The following DNASE1L3 variants were observed in gnomAD, a reference collection of about 807,000 sequenced individuals.
DNASE1L3 encodes the protein deoxyribonuclease 1L3, also known as deoxyribonuclease gamma.
A neutral mutation model predicts 30.9 loss-of-function variants in DNASE1L3; 27 were observed. That is an observed-to-expected ratio of 0.87 (90% CI 0.64 to 1.20). DNASE1L3 has a LOEUF of 1.20. Ranked by LOEUF, DNASE1L3 falls within the 50% of genes most tolerant of loss-of-function variation. The pLI, the probability that DNASE1L3 is intolerant of heterozygous loss-of-function variation, is 0.00. For missense variants in DNASE1L3, 364 were observed against 378.2 expected (o/e 0.96, Z 0.31); for synonymous variants, 135 against 138.0 (o/e 0.98, Z 0.15).
intron 2 of DNASE1L3, among the ~76,000 whole-genome samples, chr3:58,207,247 C>A (rs538081851): frequency 1.6e-4 from 25 of 152,194 alleles, no homozygotes; most frequent in Non-Finnish European, 2.1e-4. Flanking sequence ...GGGTGTGTGA[C>A]TGTAATCCCA....
At chr3:58,209,295 C>G (rs2097406132) in intron 1 of DNASE1L3, among the ~76,000 whole-genome samples, 1 of 152,112 alleles carries the variant, frequency 6.6e-6, no homozygotes, top group South Asian at 2.1e-4. Flanking sequence ...AGGGGAGATG[C>G]AGAGTTCAAG....
At chr3:58,201,823 G>A (rs1185212410) in intron 4 of DNASE1L3, among the ~76,000 whole-genome samples, 4 of 152,238 alleles carry the variant, frequency 2.6e-5, no homozygotes, top group Admixed American at 2.6e-4. Context: ...TTATTCAGGT[G>A]TGCTCTCGCC....
At chr3:58,195,022 G>A (rs1384404899) in intron 6 of DNASE1L3, among the ~76,000 whole-genome samples, 1 of 152,218 alleles carries the variant, frequency 6.6e-6, no homozygotes, top group Non-Finnish European at 1.5e-5. Context: ...AGCAAAGAAT[G>A]ACATGTTAAA....
intron 6 of DNASE1L3, among the ~76,000 whole-genome samples, chr3:58,194,378 T>G (rs994714528): frequency 1.4e-5 from 2 of 141,934 alleles, no homozygotes; most frequent in Admixed American, 1.5e-4. Context: ...TGGAGTGCAG[T>G]GCGCCATCTC....
chr3:58,207,452 C>G lies in DNASE1L3; in HGVS notation c.230+766G>C, dbSNP rs1310004836. ...AGCTCTCTGATCACACCCCCCCCCC[C>G]CCCACCAGAAGTAACCACTATTAAT... On this transcript the variant is annotated intron_variant, in intron 2 of 7. Transcript: ENST00000394549. Among the ~76,000 whole-genome samples, 13 of 37,972 alleles carry G rather than the reference C, an allele frequency of 3.4e-4. 1 individual carries two copies. Among genetic ancestry groups the G allele is most frequent in the East Asian group, 3.8e-3 (1 of 260 alleles). 24.9% of individuals were successfully genotyped at this position (37,972 alleles called of 152,430 possible). A position where few individuals can be genotyped will look rare whatever the true frequency, so the allele number is the denominator to read the frequency against.
At chr3:58,196,187 C>T (rs2097397223) in intron 6 of DNASE1L3, among the ~76,000 whole-genome samples, 1 of 152,078 alleles carries the variant, frequency 6.6e-6, no homozygotes, top group Non-Finnish European at 1.5e-5. Flanking sequence ...CTGTAACTCC[C>T]CGCCTTGGGT....
chr3:58,197,749 A>G lies in DNASE1L3; in HGVS notation c.704+72T>C. The G allele has an allele frequency of 6.2e-7, 1 of 1,605,516 alleles. No homozygotes were observed. The highest frequency in any genetic ancestry group is 8.5e-7 in the Non-Finnish European group (1 of 1,175,168). ...ACTACTGGCGTGAGCCACAGTGCCC[A>G]GCCACCTTGCGTCTTTCCTAGTGCA... On this transcript the variant is annotated intron_variant, in intron 6 of 7. Coordinates refer to ENST00000394549, the MANE Select transcript of DNASE1L3 (RefSeq NM_004944.4). The surrounding 1 kb of genome is among the most constrained non-coding windows in gnomAD (Gnocchi z 5.3).
intron 5 of DNASE1L3, 130 bp from the exon 6 acceptor site, chr3:58,198,108 T>C (rs1300173159): frequency 9.3e-7 from 1 of 1,073,746 alleles, no homozygotes; most frequent in Non-Finnish European, 1.3e-6. Flanking sequence ...GAATCTTGTC[T>C]ACCCCCTGCT....
intron 1 of DNASE1L3, among the ~76,000 whole-genome samples, chr3:58,209,256 C>T (rs754561498): frequency 6.6e-6 from 1 of 152,076 alleles, no homozygotes; most frequent in African/African-American, 2.4e-5. Flanking sequence ...ACAAGGACTT[C>T]GGACATGCTC....
intron 2 of DNASE1L3, 68 bp downstream of exon 2, chr3:58,208,150 C>G: frequency 6.7e-7 from 1 of 1,487,940 alleles, no homozygotes; most frequent in Non-Finnish European, 9.4e-7. Flanking sequence ...ACTTTCAGTT[C>G]CCAGGGGTTT....
At chr3:58,208,375 A>C (rs1200106417) in intron 1 of DNASE1L3, 69 bp from the exon 2 acceptor site, 1 of 1,507,912 alleles carries the variant, frequency 6.6e-7, no homozygotes, top group Non-Finnish European at 9.2e-7. Flanking sequence ...TTTATTGGAC[A>C]CTTACTGTTT....
chr3:58,193,460 A>C, intron 6 of DNASE1L3, 21 bp from the exon 7 acceptor site: 1 of 1,597,788 alleles, frequency 6.3e-7, no homozygotes, highest in African/African-American at 1.3e-5. Flanking sequence ...GGGAGGGAAA[A>C]CAGTTGTGTT....
Position 58,200,082 on chromosome 3 carries a change from CT to C in DNASE1L3, c.546+914del, listed in dbSNP as rs1401665865. On this transcript the variant is annotated intron_variant, in intron 5 of 7. Coordinates refer to ENST00000394549, the MANE Select transcript of DNASE1L3 (RefSeq NM_004944.4). This position sits in a 1 kb window ranked among gnomAD's most constrained non-coding sequence, Gnocchi z 4.2. ...ACAGCCCCTCACAGCCACAAGTGGT[CT>C]CTTCCAAAAGTGGAAAGAACTGAGC... Among the ~76,000 whole-genome samples the C allele has an allele frequency of 1.3e-5, 2 of 152,194 alleles. No homozygotes were observed. The highest frequency in any genetic ancestry group is 2.9e-5 in the Non-Finnish European group (2 of 68,036).
At chr3:58,195,613 CAAAAAA>C (rs34773952) in intron 6 of DNASE1L3, among the ~76,000 whole-genome samples, 14 of 38,446 alleles carry the variant, frequency 3.6e-4, no homozygotes, top group African/African-American at 8.7e-4. Context: ...ACTAAAATTA[CAAAAAA>C]AAAAAAAAAA....
intron 6 of DNASE1L3, among the ~76,000 whole-genome samples, chr3:58,196,551 TAA>T (rs60743972): frequency 0.052 from 3,137 of 60,688 alleles, 51 homozygotes; most frequent in Non-Finnish European, 0.059. Flanking sequence ...AGACTCTGTC[TAA>T]AAAAAAAAAA....
At position 58,200,976 on chromosome 3, in the gene DNASE1L3, G is replaced by T. The variant is rs377550639; in HGVS notation, c.546+21C>A. On this transcript the variant is annotated intron_variant, in intron 5 of 7. Coordinates refer to ENST00000394549, the MANE Select transcript of DNASE1L3 (RefSeq NM_004944.4). This position sits in a 1 kb window ranked among gnomAD's most constrained non-coding sequence, Gnocchi z 4.2. ...GCCTGCCCCTGCTAGATGGGAATTC[G>T]TCTGACACAGCAGTCCTCACCTCCG... 3.8e-6 allele frequency: 6 copies of T among 1,598,884 alleles called. No homozygotes were observed. In the East Asian group the frequency reaches 1.3e-4, roughly 36 times the overall value.
In DNASE1L3 at chr3:58,210,867, AGAG is replaced by A. The variant is rs1320516690; in HGVS notation, c.37_39del (p.Leu13del). 1.2e-5 allele frequency: 19 copies of A among 1,613,934 alleles called. No homozygotes were observed. The highest frequency in any genetic ancestry group is 1.6e-5 in the Non-Finnish European group (19 of 1,180,020). On this transcript the variant is annotated inframe_deletion, in exon 1 of 8. Transcript: ENST00000394549. The stretch of plus-strand genomic sequence containing the variant: ...CTCATGGCCAGGGCGCTGTGGATGG[AGAG>A]GAGGAGAAGCAGCAGTGGGGCCAGC...
intron 5 of DNASE1L3, among the ~76,000 whole-genome samples, chr3:58,198,722 T>G (rs770781591): frequency 6.6e-6 from 1 of 152,210 alleles, no homozygotes; most frequent in Non-Finnish European, 1.5e-5. Flanking sequence ...CAAACTACTG[T>G]AGGGTGTAAA....
chr3:58,199,825 G>T (rs962353617), intron 5 of DNASE1L3, among the ~76,000 whole-genome samples: 1 of 152,186 alleles, frequency 6.6e-6, no homozygotes, highest in African/African-American at 2.4e-5. Context: ...TTTTTGGAAA[G>T]AATGAATCTT....
Sources: gnomAD v4.1 joint callset for allele counts (sites outside exome capture counted in the v4.1 genomes callset) on GRCh38, gnomAD v4.1.1 for gene constraint, Gnocchi (gnomAD v3.1) non-coding constraint, MANE v1.5 for transcripts, NCBI Gene and HGNC (gene_info 2026-07-23, HGNC 2026-07-21) for gene names.